UNC5C: variants seen among roughly 807,000 people sequenced by gnomAD.
UNC5C encodes the protein unc-5 netrin receptor C, also known as netrin receptor UNC5C.
A neutral mutation model predicts 99.8 loss-of-function variants in UNC5C; 47 were observed. That is an observed-to-expected ratio of 0.47 (90% confidence interval 0.37 to 0.60). The LOEUF (loss-of-function observed/expected upper bound fraction) is 0.60. UNC5C is among the 20% of genes least tolerant of loss of function. The pLI is 0.00. For synonymous variants in UNC5C, 487 were observed against 452.2 expected, an observed-to-expected ratio of 1.08 and a Z score of -0.98; for missense variants, 1,062 against 1,165.9, an observed-to-expected ratio of 0.91 and a Z score of 1.30.
At chr4:95,367,169 C>A in intron 1 of UNC5C, among the ~76,000 whole-genome samples, 1 of 148,602 alleles carries the variant, frequency 6.7e-6, no homozygotes, top group East Asian at 2.0e-4. Flanking sequence ...GAATTTGAGT[C>A]TTCTTACTTC....
At chr4:95,292,883 G>C (rs1741530519) in intron 3 of UNC5C, among the ~76,000 whole-genome samples, 1 of 152,086 alleles carries the variant, frequency 6.6e-6, no homozygotes, top group Admixed American at 6.6e-5. Context: ...CTAGGCACTG[G>C]AGACAACAAG....
At position 95,430,828 on chromosome 4, in the gene UNC5C, A is replaced by T. The variant is rs189689994; in HGVS notation, c.125-95197T>A. 6.0e-4 allele frequency among the ~76,000 whole-genome samples: 92 copies of T among 152,220 alleles called. 1 individual carries two copies. Among genetic ancestry groups the T allele is most frequent in the Admixed American group, 1.6e-3 (24 of 15,272 alleles). ...ACTATATGCAGCCTAAGAACGTGAA[A>T]GAACCCATGAATGGTGGTGAGCTCC... On this transcript the variant is annotated intron_variant, in intron 1 of 15. Transcript: ENST00000453304.
In UNC5C at chr4:95,424,744, G is replaced by C. The variant is rs532447028; in HGVS notation, c.125-89113C>G. 4.0e-4 allele frequency among the ~76,000 whole-genome samples: 61 copies of C among 151,620 alleles called. No homozygotes were observed. In the South Asian group the frequency reaches 6.9e-3, roughly 17 times the overall value. ...TTCACTGTGTTAGCCAGGATGGTCT[G>C]GATCTCCTGACCTCGTGATCCGCCC... On this transcript the variant is annotated intron_variant, in intron 1 of 15. Transcript: ENST00000453304.
chr4:95,222,152 TA>T, intron 7 of UNC5C: 1 of 1,255,298 alleles, frequency 8.0e-7, no homozygotes, highest in Non-Finnish European at 1.1e-6. Flanking sequence ...AAACTTGAAC[TA>T]GGGGCAATAA....
chr4:95,492,018 T>C (rs1257893419), intron 1 of UNC5C, among the ~76,000 whole-genome samples: 1 of 151,494 alleles, frequency 6.6e-6, no homozygotes, highest in Non-Finnish European at 1.5e-5. Context: ...CTATTTATTG[T>C]GCAAAATGTT....
At chr4:95,366,667 G>T (rs1246358601) in intron 1 of UNC5C, among the ~76,000 whole-genome samples, 1 of 152,198 alleles carries the variant, frequency 6.6e-6, no homozygotes, top group Admixed American at 6.5e-5. Flanking sequence ...AGTGCAAAAT[G>T]ATTTTCAAAG....
Position 95,369,815 on chromosome 4 carries a change from T to C in UNC5C, c.125-34184A>G, listed in dbSNP as rs186341680. On this transcript the variant is annotated intron_variant, in intron 1 of 15. Transcript: ENST00000453304. ...CAGCGGTAGGTAAAATATGAATAAA[T>C]AGGAAGGACGGCATTGCAGAGGAAG... Among the ~76,000 whole-genome samples, 300 of 151,488 alleles carry C rather than the reference T, an allele frequency of 2.0e-3. 1 individual carries two copies. Among genetic ancestry groups the C allele is most frequent in the African/African-American group, 7.0e-3 (290 of 41,354 alleles).
chr4:95,183,937 CCAGCAGA>C, intron 13 of UNC5C, among the ~76,000 whole-genome samples: 1 of 152,238 alleles, frequency 6.6e-6, no homozygotes, highest in African/African-American at 2.4e-5. Context: ...AAGAGAGTGT[CCAGCAGA>C]TGGTAAGCAT....
intron 1 of UNC5C, among the ~76,000 whole-genome samples, chr4:95,373,389 T>C (rs1387671813): frequency 1.3e-5 from 2 of 152,164 alleles, no homozygotes; most frequent in Non-Finnish European, 1.5e-5. Context: ...ACTTACTAAA[T>C]AATATCCTTC....
At chr4:95,260,178 A>G (rs1302139101) in intron 4 of UNC5C, among the ~76,000 whole-genome samples, 2 of 152,214 alleles carry the variant, frequency 1.3e-5, no homozygotes, top group Non-Finnish European at 2.9e-5. Context: ...ATTTTTGGTC[A>G]AGTTGTTTCC....
In UNC5C at chr4:95,392,089, T is replaced by A. The variant is rs114005098; in HGVS notation, c.125-56458A>T. 2.2e-3 allele frequency among the ~76,000 whole-genome samples: 331 copies of A among 152,304 alleles called. 1 individual carries two copies. The highest frequency in any genetic ancestry group is 7.6e-3 in the African/African-American group (315 of 41,566). On this transcript the variant is annotated intron_variant, in intron 1 of 15. Transcript: ENST00000453304. ...AAAAGAGGTAATCATAATATTCTTT[T>A]AATGTAGGTTGAAAAACAAATGAGT...
At chr4:95,497,362 C>T (rs895348139) in intron 1 of UNC5C, among the ~76,000 whole-genome samples, 9 of 151,902 alleles carry the variant, frequency 5.9e-5, no homozygotes, top group African/African-American at 2.2e-4. Flanking sequence ...TTGATATATG[C>T]TATATAAGCC....
intron 1 of UNC5C, among the ~76,000 whole-genome samples, chr4:95,383,578 T>G (rs1745131469): frequency 6.6e-6 from 1 of 152,182 alleles, no homozygotes; most frequent in Non-Finnish European, 1.5e-5. Context: ...CTGCTTACCT[T>G]TTGCTAACTG....
At chr4:95,177,890 A>C (rs1246361544) in intron 14 of UNC5C, among the ~76,000 whole-genome samples, 3 of 149,428 alleles carry the variant, frequency 2.0e-5, no homozygotes, top group East Asian at 2.0e-4. Flanking sequence ...TTTTTTTAAG[A>C]GATGATGGGG....
intron 2 of UNC5C, among the ~76,000 whole-genome samples, chr4:95,323,151 T>G (rs1742755598): frequency 6.6e-6 from 1 of 152,134 alleles, no homozygotes; most frequent in African/African-American, 2.4e-5. Context: ...ATGAGTAAGA[T>G]GCTGACAGAG....
chr4:95,264,653 T>A (rs1016700506), intron 4 of UNC5C, among the ~76,000 whole-genome samples: 1 of 151,928 alleles, frequency 6.6e-6, no homozygotes, highest in Non-Finnish European at 1.5e-5. Context: ...CTTGAAAGAG[T>A]GAAATATTCC....
intron 14 of UNC5C, among the ~76,000 whole-genome samples, chr4:95,173,390 C>G (rs1343851646): frequency 3.4e-5 from 5 of 147,000 alleles, no homozygotes; most frequent in African/African-American, 1.3e-4. Context: ...TCATAGATAG[C>G]TCTTATTATT....
intron 3 of UNC5C, among the ~76,000 whole-genome samples, chr4:95,299,505 AGG>A (rs1741792635): frequency 1.3e-5 from 2 of 152,208 alleles, no homozygotes; most frequent in South Asian, 4.1e-4. Context: ...AATGTGAAGC[AGG>A]AATGGAGGCA....
At chr4:95,198,776 G>GTGTT (rs1421898030) in intron 12 of UNC5C, among the ~76,000 whole-genome samples, 2 of 152,178 alleles carry the variant, frequency 1.3e-5, no homozygotes, top group African/African-American at 4.8e-5. Flanking sequence ...GCATTGTGAG[G>GTGTT]TGTTACCAGG....
Sources: gnomAD v4.1 joint callset for allele counts (sites outside exome capture counted in the v4.1 genomes callset) on GRCh38, gnomAD v4.1.1 for gene constraint, MANE v1.5 for transcripts, NCBI Gene and HGNC (gene_info 2026-07-23, HGNC 2026-07-21) for gene names.